GABBR2: variants seen among roughly 807,000 people sequenced by gnomAD.
GABBR2 encodes the protein gamma-aminobutyric acid type B receptor subunit 2.
GABBR2 carries 23 observed loss-of-function variants against 105.6 expected under a neutral mutation model. The observed-to-expected ratio is 0.22, with a 90% CI of 0.16 to 0.31. GABBR2 has a LOEUF of 0.31. Among genes scored for constraint, GABBR2 ranks in the 10% least tolerant of loss-of-function variants. The pLI is 1.00. For missense variants in GABBR2, 734 were observed against 1,245.5 expected (o/e 0.59, Z 6.18); for synonymous variants, 478 against 499.7 (o/e 0.96, Z 0.58).
intron 3 of GABBR2, 74 bp from the exon 4 acceptor site, chr9:98,496,588 G>T: frequency 1.0e-6 from 1 of 995,822 alleles, no homozygotes; most frequent in Non-Finnish European, 1.6e-6. Context: ...GGGTCACCCT[G>T]GGGAAGTCAA....
chr9:98,515,693 C>T (rs1277753995), intron 3 of GABBR2, among the ~76,000 whole-genome samples: 37 of 152,092 alleles, frequency 2.4e-4, no homozygotes, highest in Admixed American at 2.4e-3. Flanking sequence ...CTTCCCTCCA[C>T]TCCCCCTCTC....
rs978115365 is a variant in GABBR2, at chr9:98,362,604, G to T, written c.1893+111C>A. The T allele has an allele frequency of 9.0e-6, 7 of 774,374 alleles. No homozygotes were observed. In the Admixed American group the frequency reaches 1.7e-4, roughly 18 times the overall value. The allele number at this position is 774,374 out of a possible 1,614,324, so 48.0% of individuals were successfully genotyped here. On this transcript the variant is annotated intron_variant, in intron 13 of 18. Transcript: ENST00000259455. Reference sequence around the variant, plus strand: ...TCAAATGGAAGGAAATGGAACTGATGAAGTGTTCCCAGTGGGGTACTGGGC... The same window carrying T: ...TCAAATGGAAGGAAATGGAACTGATTAAGTGTTCCCAGTGGGGTACTGGGC...
At chr9:98,314,680 T>G (rs1188922816) in intron 13 of GABBR2, among the ~76,000 whole-genome samples, 1 of 152,116 alleles carries the variant, frequency 6.6e-6, no homozygotes, top group Non-Finnish European at 1.5e-5. Flanking sequence ...TCACCGGGGC[T>G]CATCTCTCCC....
intron 1 of GABBR2, among the ~76,000 whole-genome samples, chr9:98,675,979 A>AC (rs546246983): frequency 1.1e-4 from 17 of 151,910 alleles, no homozygotes; most frequent in Non-Finnish European, 1.8e-4. Context: ...AACAAAGCAC[A>AC]CCCCCCCAAA....
At chr9:98,413,738 C>A (rs752127468) in intron 7 of GABBR2, among the ~76,000 whole-genome samples, 24 of 152,168 alleles carry the variant, frequency 1.6e-4, no homozygotes, top group Admixed American at 1.5e-3. Context: ...AGTAGTGACC[C>A]TCCACAAAGC....
chr9:98,336,809 T>C (rs2131399559), intron 13 of GABBR2, among the ~76,000 whole-genome samples: 2 of 122,966 alleles, frequency 1.6e-5, no homozygotes, highest in Admixed American at 1.5e-4. Flanking sequence ...ATTGGCAGAA[T>C]GAATTAAAAA....
At chr9:98,655,124 G>A (rs1041961583) in intron 1 of GABBR2, among the ~76,000 whole-genome samples, 3 of 152,134 alleles carry the variant, frequency 2.0e-5, no homozygotes, top group African/African-American at 7.2e-5. Context: ...GGGCCGTGAA[G>A]CTATTCTATG....
intron 1 of GABBR2, among the ~76,000 whole-genome samples, chr9:98,665,637 G>T (rs1456125818): frequency 6.6e-6 from 1 of 152,164 alleles, no homozygotes; most frequent in Non-Finnish European, 1.5e-5. Flanking sequence ...AGACCCTAGG[G>T]TTCTGGAGCA....
At chr9:98,499,356 C>A (rs1351997046) in intron 3 of GABBR2, among the ~76,000 whole-genome samples, 1 of 152,224 alleles carries the variant, frequency 6.6e-6, no homozygotes, top group African/African-American at 2.4e-5. Flanking sequence ...GATGAGGAAA[C>A]TGAAGTGTGA....
intron 1 of GABBR2, among the ~76,000 whole-genome samples, chr9:98,685,497 A>G (rs1830609257): frequency 6.6e-6 from 1 of 152,168 alleles, no homozygotes. Flanking sequence ...ATACTTGTTG[A>G]ATGAATAAGG....
At chr9:98,333,753 G>A (rs767095745) in intron 13 of GABBR2, among the ~76,000 whole-genome samples, 6 of 152,194 alleles carry the variant, frequency 3.9e-5, no homozygotes, top group Non-Finnish European at 8.8e-5. Context: ...ATTCAGCCCA[G>A]TACACTAACC....
chr9:98,514,874 G>A (rs2131702880), intron 3 of GABBR2, among the ~76,000 whole-genome samples: 1 of 152,276 alleles, frequency 6.6e-6, no homozygotes, highest in South Asian at 2.1e-4. Context: ...ATGGTGGAGG[G>A]GATGGCAGGC....
intron 7 of GABBR2, among the ~76,000 whole-genome samples, chr9:98,451,181 G>A (rs1588168069): frequency 6.6e-6 from 1 of 152,136 alleles, no homozygotes; most frequent in East Asian, 1.9e-4. Flanking sequence ...GATCTCAGGG[G>A]CTGCAGGGGT....
chr9:98,301,892 T>C (rs1302093321), intron 16 of GABBR2, among the ~76,000 whole-genome samples: 1 of 152,150 alleles, frequency 6.6e-6, no homozygotes, highest in Non-Finnish European at 1.5e-5. Flanking sequence ...CATCTTTAGG[T>C]GCACAGACAA....
intron 1 of GABBR2, chr9:98,607,860 T>C (rs558728102): frequency 4.1e-5 from 52 of 1,274,174 alleles, no homozygotes; most frequent in African/African-American, 5.9e-5. Flanking sequence ...GAAGGGAGCA[T>C]GTAGCTAAAA....
At chr9:98,702,946 G>A (rs573663272) in intron 1 of GABBR2, among the ~76,000 whole-genome samples, 1 of 152,314 alleles carries the variant, frequency 6.6e-6, no homozygotes, top group East Asian at 1.9e-4. Flanking sequence ...TCTGTGTTCA[G>A]GTGGTTGGGT....
chr9:98,447,694 C>A (rs80090441), intron 7 of GABBR2, among the ~76,000 whole-genome samples: 1 of 151,978 alleles, frequency 6.6e-6, no homozygotes, highest in Non-Finnish European at 1.5e-5. Flanking sequence ...TCCCCTGGAA[C>A]GAGGAACCTG....
chr9:98,313,895 G>T (rs917873246), intron 13 of GABBR2, among the ~76,000 whole-genome samples: 1 of 152,178 alleles, frequency 6.6e-6, no homozygotes, highest in Admixed American at 6.5e-5. Flanking sequence ...TGTGAGGTGG[G>T]GGAAAGATGG....
Position 98,306,399 on chromosome 9 carries a change from A to G in GABBR2, c.2005-54T>C. 1.6e-6 allele frequency: 2 copies of G among 1,289,482 alleles called. No individual in the cohort carries two copies. The highest frequency in any genetic ancestry group is 1.2e-5 in the South Asian group (1 of 80,212). The allele number at this position is 1,289,482 out of a possible 1,614,324, so 79.9% of individuals were successfully genotyped here. ...TGATCGTTACCAAGGGGTGGCACAC[A>G]CAGGCTGCTCTGAGAAGCTGTGGAG... On this transcript the variant is annotated intron_variant, in intron 14 of 18. Coordinates refer to ENST00000259455, the MANE Select transcript of GABBR2 (RefSeq NM_005458.8). The surrounding 1 kb of genome is among the most constrained non-coding windows in gnomAD (Gnocchi z 5.4).
Sources: allele counts gnomAD v4.1 joint callset (sites outside exome capture counted in the v4.1 genomes callset), GRCh38; gene constraint gnomAD v4.1.1; non-coding constraint Gnocchi (gnomAD v3.1); transcripts MANE v1.5; gene names NCBI Gene and HGNC (gene_info 2026-07-23, HGNC 2026-07-21).